Variants in TCF12 observed in about 807,000 individuals in gnomAD.
The protein encoded by TCF12 is transcription factor 12.
A neutral mutation model predicts 86.0 loss-of-function variants in TCF12; 45 were observed. The observed-to-expected ratio is 0.52, with a 90% CI of 0.41 to 0.67. The LOEUF (loss-of-function observed/expected upper bound fraction) is 0.67, where lower values mean the gene tolerates loss of function less well. Among genes scored for constraint, TCF12 ranks in the 30% least tolerant of loss-of-function variants. The probability of loss-of-function intolerance (pLI) is 0.00; values close to 1 mark genes in which losing one functional copy is unlikely to be tolerated. For missense variants in TCF12, 881 were observed against 859.9 expected, an observed-to-expected ratio of 1.02 and a Z score of -0.31; for synonymous variants, 330 against 299.6, an observed-to-expected ratio of 1.10 and a Z score of -1.05.
At chr15:57,188,971 T>C (rs1156732094) in intron 6 of TCF12, among the ~76,000 whole-genome samples, 1 of 152,166 alleles carries the variant, frequency 6.6e-6, no homozygotes, top group Non-Finnish European at 1.5e-5. Context: ...TAATTTTTTG[T>C]AGAGATGGGA....
intron 5 of TCF12, among the ~76,000 whole-genome samples, chr15:57,142,799 A>G (rs1315357682): frequency 6.6e-6 from 1 of 152,208 alleles, no homozygotes; most frequent in Non-Finnish European, 1.5e-5. Flanking sequence ...AACAGAGTGC[A>G]TTGAGAACAC....
intron 3 of TCF12, among the ~76,000 whole-genome samples, chr15:57,054,463 C>T (rs2067848590): frequency 6.6e-6 from 1 of 152,154 alleles, no homozygotes; most frequent in East Asian, 1.9e-4. Flanking sequence ...GTAATGTTTT[C>T]ATCTTCCTTT....
intron 1 of TCF12, 108 bp from the exon 2 acceptor site, chr15:56,919,784 C>T: frequency 2.1e-6 from 2 of 971,208 alleles, no homozygotes. Flanking sequence ...TGGAAGTCAT[C>T]CCGGCGCCCC....
At chr15:57,090,217 C>CAAAACAAAAACA (rs200162342) in intron 4 of TCF12, among the ~76,000 whole-genome samples, 5 of 151,744 alleles carry the variant, frequency 3.3e-5, no homozygotes, top group African/African-American at 1.2e-4. Flanking sequence ...GCCCTGTCTC[C>CAAAACAAAAACA]AAAACAAAAA....
At chr15:57,275,952 C>A (rs544733689) in intron 19 of TCF12, among the ~76,000 whole-genome samples, 5 of 152,336 alleles carry the variant, frequency 3.3e-5, no homozygotes, top group African/African-American at 1.2e-4. Context: ...TCCCCACTGC[C>A]AGTTTAAGCT....
chr15:57,265,128 TATAGTATAA>T (rs2152069328), intron 18 of TCF12, among the ~76,000 whole-genome samples: 1 of 125,216 alleles, frequency 8.0e-6, no homozygotes, highest in African/African-American at 2.8e-5. Context: ...TATAGTATAG[TATAGTATAA>T]ATACATAAAC....
rs143868516 is a variant in TCF12, at chr15:57,198,694, G to T, written c.579+869G>T. On this transcript the variant is annotated intron_variant, in intron 8 of 20. Coordinates refer to ENST00000333725, the MANE Select transcript of TCF12 (RefSeq NM_207037.2). ...TGGTGAGTGAGGCTGTTTGATTGAGGCCCCAGTGCCTTGTAGGGTACATCT... is the reference window on the plus strand; with the variant it reads ...TGGTGAGTGAGGCTGTTTGATTGAGTCCCCAGTGCCTTGTAGGGTACATCT... Among the ~76,000 whole-genome samples the T allele has an allele frequency of 5.9e-3, 893 of 152,112 alleles. 3 individuals are homozygous for T. Among genetic ancestry groups the T allele is most frequent in the Non-Finnish European group, 8.9e-3 (605 of 68,000 alleles).
chr15:57,055,549 T>C (rs1264187258), intron 3 of TCF12, among the ~76,000 whole-genome samples: 1 of 152,216 alleles, frequency 6.6e-6, no homozygotes, highest in Non-Finnish European at 1.5e-5. Context: ...ATATTTTTGC[T>C]GAGTATAGAA....
chr15:56,981,571 C>T (rs888512659), intron 3 of TCF12, among the ~76,000 whole-genome samples: 1 of 152,140 alleles, frequency 6.6e-6, no homozygotes, highest in African/African-American at 2.4e-5. Flanking sequence ...GCCAAAAACA[C>T]TCAAACCATA....
chr15:57,170,722 T>TATATTATATA (rs1427301623), intron 6 of TCF12, among the ~76,000 whole-genome samples: 22 of 25,890 alleles, frequency 8.5e-4, no homozygotes, highest in African/African-American at 2.5e-3. Flanking sequence ...AATATATATA[T>TATATTATATA]TATATATTAT....
intron 3 of TCF12, among the ~76,000 whole-genome samples, chr15:56,957,938 T>G (rs2061567033): frequency 6.6e-6 from 1 of 152,232 alleles, no homozygotes; most frequent in Non-Finnish European, 1.5e-5. Flanking sequence ...TCTCCACTAC[T>G]GAGGAAATGT....
intron 3 of TCF12, among the ~76,000 whole-genome samples, chr15:56,990,350 C>G (rs1337723547): frequency 6.6e-6 from 1 of 151,840 alleles, no homozygotes; most frequent in Non-Finnish European, 1.5e-5. Flanking sequence ...GTATCCCTAA[C>G]AAGACGATAC....
intron 5 of TCF12, among the ~76,000 whole-genome samples, chr15:57,136,661 T>C (rs2052541073): frequency 6.6e-6 from 1 of 152,182 alleles, no homozygotes; most frequent in South Asian, 2.1e-4. Context: ...AGATCCCTTT[T>C]CCTTCATTTC....
intron 6 of TCF12, among the ~76,000 whole-genome samples, chr15:57,177,256 C>T (rs113757615): frequency 0.01 from 1,485 of 143,424 alleles, 24 homozygotes; most frequent in African/African-American, 0.035. Flanking sequence ...GAGTATCAGG[C>T]AATAGACAAT....
chr15:57,143,532 T>C (rs192752952), intron 5 of TCF12, among the ~76,000 whole-genome samples: 1 of 152,308 alleles, frequency 6.6e-6, no homozygotes, highest in Non-Finnish European at 1.5e-5. Context: ...GTCAGAATAT[T>C]TAAAAAATGG....
chr15:57,071,951 A>G lies in TCF12; in HGVS notation c.222+8128A>G, dbSNP rs531670412. On this transcript the variant is annotated intron_variant, in intron 4 of 20. Transcript: ENST00000333725. The stretch of plus-strand genomic sequence containing the variant: ...TCAGCTTACTTTGTGGGAAAATAGT[A>G]CGAGATAAGGCAGGTTAACATTTCT... Among the ~76,000 whole-genome samples the G allele has an allele frequency of 2.0e-4, 30 of 152,346 alleles. No individual in the cohort carries two copies. In the South Asian group the frequency reaches 2.5e-3, roughly 13 times the overall value.
At chr15:57,166,748 A>G (rs1387779636) in intron 6 of TCF12, among the ~76,000 whole-genome samples, 1 of 152,118 alleles carries the variant, frequency 6.6e-6, no homozygotes, top group Non-Finnish European at 1.5e-5. Flanking sequence ...TTTTTTGCAT[A>G]TTTTCTCACA....
chr15:57,072,560 A>T, intron 4 of TCF12: 2 of 698,782 alleles, frequency 2.9e-6, no homozygotes, highest in Non-Finnish European at 3.8e-6. Flanking sequence ...AAGGGGAAAA[A>T]GGTATACATT....
chr15:57,042,562 C>T (rs1177652628), intron 3 of TCF12, among the ~76,000 whole-genome samples: 3 of 152,022 alleles, frequency 2.0e-5, no homozygotes, highest in African/African-American at 7.2e-5. Flanking sequence ...TACAGGCACG[C>T]ACCACCATTC....
Sources: gnomAD v4.1 joint callset for allele counts (sites outside exome capture counted in the v4.1 genomes callset) on GRCh38, gnomAD v4.1.1 for gene constraint, MANE v1.5 for transcripts, NCBI Gene and HGNC (gene_info 2026-07-23, HGNC 2026-07-21) for gene names.